SNAP91: variants seen among roughly 807,000 people sequenced by gnomAD.
The protein encoded by SNAP91 is synaptosome associated protein 91, also known as clathrin coat assembly protein AP180.
Under a neutral mutation model 100.3 loss-of-function variants are expected in SNAP91, and 27 were observed. The observed-to-expected ratio is 0.27, with a 90% CI of 0.20 to 0.37. SNAP91 has a LOEUF of 0.37. Ranked by LOEUF, SNAP91 falls within the 10% of genes least tolerant of loss-of-function variation. SNAP91 has a pLI of 1.00. For missense variants in SNAP91, 986 were observed against 1,123.7 expected, an observed-to-expected ratio of 0.88 and a Z score of 1.75; for synonymous variants, 404 against 398.6, an observed-to-expected ratio of 1.01 and a Z score of -0.16.
chr6:83,616,649 T>A (rs1041642852), intron 10 of SNAP91, among the ~76,000 whole-genome samples: 2 of 152,182 alleles, frequency 1.3e-5, no homozygotes, highest in African/African-American at 4.8e-5. Flanking sequence ...TCATGTCCAA[T>A]GATAACAGCT....
rs551750231 is a variant in SNAP91 at position 83,594,371 on chromosome 6, C to T, written c.1432+3G>A. ...ACAGACTGGCTAATGACTTTAAACC[C>T]ACCATTTCCTGAACATGCATCAAGT... On this transcript the variant is annotated splice_donor_region_variant and intron_variant, in intron 17 of 29. Transcript: ENST00000369694. The T allele has an allele frequency of 1.7e-5, 26 of 1,551,774 alleles. No homozygotes were observed. In the South Asian group the frequency reaches 3.1e-4, roughly 18 times the overall value.
intron 11 of SNAP91, among the ~76,000 whole-genome samples, chr6:83,613,010 T>C (rs147814446): frequency 1.1e-4 from 17 of 152,050 alleles, no homozygotes; most frequent in African/African-American, 4.1e-4. Context: ...GAAGATATAA[T>C]AAAAATGATA....
chr6:83,662,358 C>T lies in SNAP91; in HGVS notation c.338G>A (p.Ser113Asn). 2 of 1,435,062 alleles carry T rather than the reference C, an allele frequency of 1.4e-6. No individual in the cohort carries two copies. The highest frequency in any genetic ancestry group is 1.6e-5 in the South Asian group (1 of 62,970). The allele number at this position is 1,435,062 out of a possible 1,614,324, so 88.9% of individuals were successfully genotyped here. ...ACAAATATTCTCACCATGGGATCCACTTTTGTCCAAAAAATTGCTGAGATT... is the reference window on the plus strand; with the variant it reads ...ACAAATATTCTCACCATGGGATCCATTTTTGTCCAAAAAATTGCTGAGATT... Reference protein sequence around the residue: ...LFNLSNFLDKSGSHGYDMSTF... With the variant: ...LFNLSNFLDKNGSHGYDMSTF... Residue 113 changes from serine to asparagine, a missense_variant, in exon 4 of 30, where the codon AGT becomes AAT. Physicochemically the swap from Ser to Asn is conservative, Grantham distance 46 (BLOSUM62 1). Coordinates refer to ENST00000369694, the MANE Select transcript of SNAP91 (RefSeq NM_001242792.2).
chr6:83,672,480 CA>C (rs1428690567), intron 2 of SNAP91, among the ~76,000 whole-genome samples: 1 of 151,956 alleles, frequency 6.6e-6, no homozygotes, highest in Non-Finnish European at 1.5e-5. Context: ...TGGTAATTAT[CA>C]CCCTATATGA....
chr6:83,596,199 C>T (rs1401015366), intron 16 of SNAP91, among the ~76,000 whole-genome samples: 1 of 152,086 alleles, frequency 6.6e-6, no homozygotes, highest in Non-Finnish European at 1.5e-5. Context: ...GGATTACAGG[C>T]CTACAGCACT....
chr6:83,651,122 A>AT (rs976352124), intron 7 of SNAP91, among the ~76,000 whole-genome samples: 62 of 152,090 alleles, frequency 4.1e-4, no homozygotes, highest in African/African-American at 1.5e-3. Context: ...AATTTCTGTT[A>AT]TCAGTAATTT....
At position 83,665,442 on chromosome 6, in the gene SNAP91, A is replaced by G; in HGVS notation, c.270T>C (p.Asn90=). The G allele has an allele frequency of 6.2e-7, 1 of 1,610,544 alleles. No homozygotes were observed. The highest frequency in any genetic ancestry group is 1.1e-5 in the South Asian group (1 of 90,430). The change falls in exon 3 of 30, where the codon AAT becomes AAC. Residue 90 remains asparagine, a synonymous_variant. Transcript: ENST00000369694. ...VTTHHLMVHG[N]ERFIQYLASR... is the part of the protein sequence containing the mutation. ...AAGAAAAGTTTACTTAGTTTACCTC[A>G]TTTCCATGCACCATGAGATGATGTG...
At chr6:83,672,741 C>G (rs1384448742) in intron 2 of SNAP91, among the ~76,000 whole-genome samples, 3 of 152,122 alleles carry the variant, frequency 2.0e-5, no homozygotes, top group Admixed American at 2.0e-4. Context: ...GGCCAATTCT[C>G]TCAATAACTC....
chr6:83,677,984 G>A (rs1352867608), intron 2 of SNAP91, among the ~76,000 whole-genome samples: 1 of 152,166 alleles, frequency 6.6e-6, no homozygotes, highest in Non-Finnish European at 1.5e-5. Context: ...TTGCTGGAAG[G>A]ATGGCCTTTG....
intron 2 of SNAP91, among the ~76,000 whole-genome samples, chr6:83,702,474 C>A (rs1010199159): frequency 2.6e-5 from 4 of 152,018 alleles, no homozygotes; most frequent in African/African-American, 9.7e-5. Flanking sequence ...AATCTTTAAC[C>A]ACCATTTATT....
chr6:83,686,462 G>C (rs894597904), intron 2 of SNAP91, among the ~76,000 whole-genome samples: 1 of 152,170 alleles, frequency 6.6e-6, no homozygotes, highest in African/African-American at 2.4e-5. Flanking sequence ...AGTCTCTTTT[G>C]TTCAAAGCAC....
chr6:83,643,055 ATTTG>A (rs1251587734), intron 7 of SNAP91, among the ~76,000 whole-genome samples: 1 of 151,864 alleles, frequency 6.6e-6, no homozygotes, highest in Non-Finnish European at 1.5e-5. Context: ...TTTCTTGTAA[ATTTG>A]TTTGAGTTCT....
chr6:83,670,842 T>C (rs1186851419), intron 2 of SNAP91, among the ~76,000 whole-genome samples: 16 of 145,216 alleles, frequency 1.1e-4, no homozygotes, highest in Admixed American at 1.1e-3. Context: ...TAGGACTCTT[T>C]ATTCTGTTCT....
rs187793655 is a variant in SNAP91, at chr6:83,690,441, G to A, written c.130+17357C>T. On this transcript the variant is annotated intron_variant, in intron 2 of 29. Transcript: ENST00000369694. Reference sequence around the variant, plus strand: ...GTTGAAAGAAGGTTTGTAGGTCTACGAAAACAATGCAGCTCAGTTACACAT... The same window carrying A: ...GTTGAAAGAAGGTTTGTAGGTCTACAAAAACAATGCAGCTCAGTTACACAT... 7.2e-5 allele frequency: 92 copies of A among 1,282,424 alleles called. 1 individual carries two copies. Among genetic ancestry groups the A allele is most frequent in the South Asian group, 3.5e-4 (28 of 80,646 alleles). The allele number at this position is 1,282,424 out of a possible 1,614,324, so 79.4% of individuals were successfully genotyped here.
intron 24 of SNAP91, among the ~76,000 whole-genome samples, chr6:83,576,365 T>C (rs1416938474): frequency 6.6e-6 from 1 of 152,206 alleles, no homozygotes; most frequent in Non-Finnish European, 1.5e-5. Flanking sequence ...TAAATTGTTC[T>C]CTATACTAGG....
At chr6:83,567,438 T>C (rs7773629) in intron 26 of SNAP91, among the ~76,000 whole-genome samples, 116,783 of 152,034 alleles carry the variant, frequency 0.77, 45,293 homozygotes, top group East Asian at 0.88. Context: ...GACATAGGCA[T>C]GGGCAAGGAC....
intron 28 of SNAP91, among the ~76,000 whole-genome samples, chr6:83,557,247 G>C (rs2127775651): frequency 6.6e-6 from 1 of 152,202 alleles, no homozygotes; most frequent in East Asian, 1.9e-4. Flanking sequence ...GGACTGTGGG[G>C]CAGTGTTGTA....
At chr6:83,688,447 T>C (rs1001468203) in intron 2 of SNAP91, among the ~76,000 whole-genome samples, 1 of 151,986 alleles carries the variant, frequency 6.6e-6, no homozygotes, top group African/African-American at 2.4e-5. Context: ...CCATGTCTAG[T>C]CATGCTTCTT....
intron 3 of SNAP91, 57 bp downstream of exon 3, chr6:83,665,382 T>G: frequency 4.1e-5 from 63 of 1,537,824 alleles, no homozygotes; most frequent in Non-Finnish European, 5.2e-5. Context: ...ATCATCACCA[T>G]GCTCTTCCTA....
Sources: gnomAD v4.1 joint callset for allele counts (sites outside exome capture counted in the v4.1 genomes callset) on GRCh38, gnomAD v4.1.1 for gene constraint, MANE v1.5 for transcripts, NCBI Gene and HGNC (gene_info 2026-07-23, HGNC 2026-07-21) for gene names.